PRKN: variants seen among roughly 807,000 people sequenced by gnomAD.
PRKN encodes E3 ubiquitin-protein ligase parkin.
PRKN carries 56 observed loss-of-function variants against 59.5 expected under a neutral mutation model. The observed-to-expected ratio is 0.94, with a 90% CI of 0.76 to 1.18. The LOEUF is 1.18. Ranked by LOEUF, PRKN falls within the 50% of genes most tolerant of loss-of-function variation. PRKN has a pLI of 0.00. For missense variants in PRKN, 657 were observed against 596.4 expected (o/e 1.10, Z -1.06); for synonymous variants, 250 against 222.1 (o/e 1.13, Z -1.12).
intron 1 of PRKN, among the ~76,000 whole-genome samples, chr6:162,594,852 A>G (rs1024177851): frequency 1.3e-5 from 2 of 152,154 alleles, no homozygotes; most frequent in Non-Finnish European, 2.9e-5. Context: ...CCTTTCTTAG[A>G]GCTTATTTTC....
intron 7 of PRKN, among the ~76,000 whole-genome samples, chr6:161,740,007 G>A (rs745412057): frequency 1.2e-4 from 18 of 152,246 alleles, no homozygotes; most frequent in Non-Finnish European, 2.1e-4. Context: ...TGCCCAGCTC[G>A]TCCTCCCAAA....
At chr6:161,757,433 G>A (rs1312062555) in intron 7 of PRKN, among the ~76,000 whole-genome samples, 1 of 152,216 alleles carries the variant, frequency 6.6e-6, no homozygotes, top group South Asian at 2.1e-4. Context: ...CTGCACTCCA[G>A]CCTGAACGAC....
rs1029121968 is a variant in PRKN at position 162,214,618 on chromosome 6, A to G, written c.413-13366T>C. On this transcript the variant is annotated intron_variant, in intron 3 of 11. Coordinates refer to ENST00000366898, the MANE Select transcript of PRKN (RefSeq NM_004562.3). ...TGAAGGTTCCAGGGAAGTTACCTGTATATTTGCAGACTTTTATCCAGTACA... is the reference window on the plus strand; with the variant it reads ...TGAAGGTTCCAGGGAAGTTACCTGTGTATTTGCAGACTTTTATCCAGTACA... Among the ~76,000 whole-genome samples, 8 of 152,314 alleles carry G rather than the reference A, an allele frequency of 5.3e-5. No homozygotes were observed. The East Asian group carries it at 1.4e-3, about 26-fold the overall frequency.
intron 2 of PRKN, among the ~76,000 whole-genome samples, chr6:162,329,112 A>T (rs542186244): frequency 7.2e-5 from 11 of 152,270 alleles, no homozygotes; most frequent in Non-Finnish European, 1.5e-4. Context: ...ATAATGGCTA[A>T]CTCTTTTATT....
intron 1 of PRKN, among the ~76,000 whole-genome samples, chr6:162,726,671 T>C (rs984921047): frequency 1.3e-5 from 2 of 152,182 alleles, no homozygotes; most frequent in Non-Finnish European, 2.9e-5. Flanking sequence ...CCACCTCTCA[T>C]CTTTCTTCTG....
intron 2 of PRKN, among the ~76,000 whole-genome samples, chr6:162,393,496 C>T (rs1277946257): frequency 6.6e-6 from 1 of 151,938 alleles, no homozygotes; most frequent in African/African-American, 2.4e-5. Context: ...AGAAGACATT[C>T]TAGGCTTCAT....
intron 1 of PRKN, among the ~76,000 whole-genome samples, chr6:162,635,035 AAAT>A (rs1777655797): frequency 1.3e-5 from 2 of 152,244 alleles, no homozygotes; most frequent in African/African-American, 4.8e-5. Flanking sequence ...TCAAGTATTT[AAAT>A]AATGAGTTTA....
At chr6:161,961,690 GATC>G (rs1780385056) in intron 6 of PRKN, among the ~76,000 whole-genome samples, 1 of 152,170 alleles carries the variant, frequency 6.6e-6, no homozygotes, top group Non-Finnish European at 1.5e-5. Flanking sequence ...CATCAGGCTT[GATC>G]AGAAACGCAA....
chr6:161,353,153 T>TG lies in PRKN; in HGVS notation c.1286-2943dup, dbSNP rs940194491. Among the ~76,000 whole-genome samples the TG allele has an allele frequency of 6.6e-6, 1 of 152,158 alleles. No homozygotes were observed. Among genetic ancestry groups the TG allele is most frequent in the Non-Finnish European group, 1.5e-5 (1 of 68,032 alleles). On this transcript the variant is annotated intron_variant, in intron 11 of 11. Transcript: ENST00000366898. The surrounding 1 kb of genome is among the most constrained non-coding windows in gnomAD (Gnocchi z 4.8). ...TTGTTACAGTCTTTTGTCATAATGTTGGGGCAATTCAGGCCTCAGAAACAG... is the reference window on the plus strand; with the variant it reads ...TTGTTACAGTCTTTTGTCATAATGTTGGGGGCAATTCAGGCCTCAGAAACAG...
At chr6:161,680,780 T>A (rs1785326381) in intron 7 of PRKN, among the ~76,000 whole-genome samples, 1 of 99,118 alleles carries the variant, frequency 1.0e-5, no homozygotes, top group Non-Finnish European at 2.0e-5. Context: ...TATATATTTT[T>A]TTTTTTTTTT....
chr6:162,281,277 G>A (rs1420425142), intron 2 of PRKN, among the ~76,000 whole-genome samples: 1 of 152,000 alleles, frequency 6.6e-6, no homozygotes, highest in East Asian at 1.9e-4. Flanking sequence ...GGGGTGGGGG[G>A]CTAGGGAAGG....
intron 2 of PRKN, among the ~76,000 whole-genome samples, chr6:162,442,391 G>C (rs1336318461): frequency 6.6e-6 from 1 of 152,178 alleles, no homozygotes; most frequent in Non-Finnish European, 1.5e-5. Flanking sequence ...GTCCTTCACA[G>C]TCACAGGGAC....
intron 2 of PRKN, among the ~76,000 whole-genome samples, chr6:162,367,790 G>A (rs1785532437): frequency 6.6e-6 from 1 of 152,084 alleles, no homozygotes; most frequent in African/African-American, 2.4e-5. Context: ...AAGAAAAAAG[G>A]GATAGAATGA....
At chr6:162,559,534 C>T (rs995968299) in intron 1 of PRKN, among the ~76,000 whole-genome samples, 11 of 152,132 alleles carry the variant, frequency 7.2e-5, no homozygotes, top group South Asian at 2.1e-4. Context: ...AAGAAAGCTA[C>T]GGGTCACTTG....
chr6:162,358,282 T>C (rs527838401), intron 2 of PRKN, among the ~76,000 whole-genome samples: 79 of 152,304 alleles, frequency 5.2e-4, no homozygotes, highest in African/African-American at 1.7e-3. Flanking sequence ...GGAATATTTT[T>C]CGAAATCTTT....
At chr6:162,425,998 T>C (rs9456777) in intron 2 of PRKN, among the ~76,000 whole-genome samples, 77,911 of 152,048 alleles carry the variant, frequency 0.51, 20,331 homozygotes, top group East Asian at 0.69. Context: ...CCAAAAATAC[T>C]GCAAGTAGAC....
chr6:162,133,067 G>T (rs1781433846), intron 4 of PRKN, among the ~76,000 whole-genome samples: 1 of 152,062 alleles, frequency 6.6e-6, no homozygotes, highest in Non-Finnish European at 1.5e-5. Context: ...GTGGACTTAG[G>T]GTTTTACTGT....
At position 161,544,366 on chromosome 6, in the gene PRKN, G is replaced by A. The variant is rs1035530135; in HGVS notation, c.1083+4488C>T. 5.3e-5 allele frequency among the ~76,000 whole-genome samples: 8 copies of A among 152,102 alleles called. No individual in the cohort carries two copies. The highest frequency in any genetic ancestry group is 8.8e-5 in the Non-Finnish European group (6 of 68,004). On this transcript the variant is annotated intron_variant, in intron 9 of 11. Transcript: ENST00000366898. This position sits in a 1 kb window ranked among gnomAD's most constrained non-coding sequence, Gnocchi z 5.5. ...TGTATAAGTATATAAAGGTGCTTACGTATTTTTCAAAGAGCTCTTTGTTGG... is the reference window on the plus strand; with the variant it reads ...TGTATAAGTATATAAAGGTGCTTACATATTTTTCAAAGAGCTCTTTGTTGG...
At chr6:162,543,838 C>A (rs1276474377) in intron 1 of PRKN, among the ~76,000 whole-genome samples, 2 of 152,042 alleles carry the variant, frequency 1.3e-5, no homozygotes, top group Non-Finnish European at 2.9e-5. Flanking sequence ...GAAAGCTAAA[C>A]AAACAAAAAA....
Sources: allele counts gnomAD v4.1 joint callset (sites outside exome capture counted in the v4.1 genomes callset), GRCh38; gene constraint gnomAD v4.1.1; non-coding constraint Gnocchi (gnomAD v3.1); transcripts MANE v1.5; gene names NCBI Gene and HGNC (gene_info 2026-07-23, HGNC 2026-07-21).